NEBL: variants seen among roughly 807,000 people sequenced by gnomAD.
NEBL encodes the protein nebulette.
A neutral mutation model predicts 140.2 loss-of-function variants in NEBL; 122 were observed. The observed-to-expected ratio is 0.87, with a 90% confidence interval of 0.75 to 1.01. The LOEUF is 1.01. Among genes scored for constraint, NEBL ranks in the 50% least tolerant of loss-of-function variants. The pLI is 0.00. For synonymous variants in NEBL, 436 were observed against 398.9 expected (o/e 1.09, Z -1.11); for missense variants, 1,365 against 1,231.3 (o/e 1.11, Z -1.62).
chr10:21,262,499 A>G (rs1394892865), intron 1 of NEBL, among the ~76,000 whole-genome samples: 1 of 152,218 alleles, frequency 6.6e-6, no homozygotes, highest in Non-Finnish European at 1.5e-5. Flanking sequence ...CTGGAAACCC[A>G]GGGAGAAACG....
At chr10:21,137,248 T>A (rs893466430) in intron 2 of NEBL, among the ~76,000 whole-genome samples, 4 of 152,214 alleles carry the variant, frequency 2.6e-5, no homozygotes. Context: ...AGAAATATAT[T>A]TTTTCAAAGT....
At chr10:21,253,406 T>C (rs184910040) in intron 1 of NEBL, among the ~76,000 whole-genome samples, 158 of 152,282 alleles carry the variant, frequency 1.0e-3, no homozygotes, top group African/African-American at 3.6e-3. Context: ...TGGACGCTCC[T>C]GACCAAATTT....
At chr10:21,277,790 C>T (rs189501482) in intron 1 of NEBL, among the ~76,000 whole-genome samples, 74 of 152,124 alleles carry the variant, frequency 4.9e-4, no homozygotes, top group African/African-American at 1.6e-3. Flanking sequence ...ACACCTTGTC[C>T]ATTGGTTTTA....
upstream of NEBL, among the ~76,000 whole-genome samples, chr10:20,902,298 C>T (rs1847907344): frequency 6.6e-6 from 1 of 151,822 alleles, no homozygotes; most frequent in African/African-American, 2.4e-5. Flanking sequence ...CCCAGCTACT[C>T]GGGAGGCTGA....
At position 20,954,222 on chromosome 10, in the gene NEBL, T is replaced by G. The variant is rs988724427; in HGVS notation, c.357+7450A>C. ...TGGATATGTAGACCTTGAAAGAGAT[T>G]AGAACTCCTAGTAATAATCTTCACT... On this transcript the variant is annotated intron_variant, in intron 4 of 6. Transcript: ENST00000417816. 2.6e-5 allele frequency among the ~76,000 whole-genome samples: 4 copies of G among 152,208 alleles called. No individual in the cohort carries two copies. The East Asian group carries it at 7.7e-4, about 29-fold the overall frequency.
At chr10:21,057,733 A>T (rs1835093845) in intron 2 of NEBL, among the ~76,000 whole-genome samples, 1 of 150,854 alleles carries the variant, frequency 6.6e-6, no homozygotes, top group African/African-American at 2.4e-5. Flanking sequence ...TATTTTTTGT[A>T]TATTTTTTAT....
chr10:20,917,983 C>T (rs1053830371), intron 4 of NEBL, among the ~76,000 whole-genome samples: 1 of 152,148 alleles, frequency 6.6e-6, no homozygotes. Context: ...AATAAAATAA[C>T]AGGATCCAAA....
intron 2 of NEBL, among the ~76,000 whole-genome samples, chr10:21,120,992 A>G (rs1318718873): frequency 6.6e-6 from 1 of 152,178 alleles, no homozygotes; most frequent in Non-Finnish European, 1.5e-5. Context: ...TTCAGGCTTT[A>G]TACAATAACT....
chr10:20,858,434 G>C (rs1227872022), intron 8 of NEBL, 90 bp from the exon 9 acceptor site: 19 of 1,110,436 alleles, frequency 1.7e-5, no homozygotes, highest in East Asian at 2.5e-5. Flanking sequence ...CATAAAGTAG[G>C]ACTATTTAGT....
At position 20,868,435 on chromosome 10, in the gene NEBL, G is replaced by T. The variant is rs72791975; in HGVS notation, c.684+229C>A. 1.2e-3 allele frequency: 630 copies of T among 510,486 alleles called. 1 individual carries two copies. The highest frequency in any genetic ancestry group is 1.8e-3 in the Non-Finnish European group (501 of 284,058). 31.6% of individuals were successfully genotyped at this position (510,486 alleles called of 1,614,324 possible). On this transcript the variant is annotated intron_variant, in intron 7 of 27. Coordinates refer to ENST00000377122, the MANE Select transcript of NEBL (RefSeq NM_006393.3). ...GGCTAGAGACATTGAAAAATGTTCA[G>T]ATTTATGCCTGGAGAAAAGAAAACT...
chr10:21,273,833 A>C (rs905441896), intron 1 of NEBL, among the ~76,000 whole-genome samples: 4 of 152,038 alleles, frequency 2.6e-5, no homozygotes, highest in African/African-American at 9.7e-5. Flanking sequence ...TTTACCCTTG[A>C]CCTTTCCTTA....
At chr10:21,031,381 C>T (rs1393814321) in intron 2 of NEBL, among the ~76,000 whole-genome samples, 1 of 152,178 alleles carries the variant, frequency 6.6e-6, no homozygotes. Context: ...ACAACAGGAA[C>T]AAACACAGCC....
At chr10:20,809,697 C>A (rs1463311356) in intron 25 of NEBL, 109 bp downstream of exon 25, 8 of 939,082 alleles carry the variant, frequency 8.5e-6, no homozygotes, top group Admixed American at 2.2e-5. Flanking sequence ...TTGCCAAATT[C>A]TCAGCTTTAA....
chr10:20,814,876 C>T (rs1216456882), intron 22 of NEBL, among the ~76,000 whole-genome samples: 1 of 152,224 alleles, frequency 6.6e-6, no homozygotes, highest in Non-Finnish European at 1.5e-5. Context: ...TAAATACACA[C>T]AGCATCTCTG....
At chr10:20,798,830 G>T (rs904842008) in intron 26 of NEBL, among the ~76,000 whole-genome samples, 1 of 152,110 alleles carries the variant, frequency 6.6e-6, no homozygotes, top group African/African-American at 2.4e-5. Context: ...TTGGCACATC[G>T]ATGAAAGACA....
rs142268237 is a variant in NEBL at position 20,877,140 on chromosome 10, C to T, written c.480+3654G>A. Among the ~76,000 whole-genome samples the T allele has an allele frequency of 5.5e-3, 842 of 152,226 alleles. 33 individuals are homozygous for T. The highest frequency in any genetic ancestry group is 0.05 in the Admixed American group (771 of 15,284). The stretch of plus-strand genomic sequence containing the variant: ...TCACCCTTTAAAAGTAGAAGGAGGA[C>T]GAAATAGAACCAGTAATGTATGCCA... On this transcript the variant is annotated intron_variant, in intron 5 of 27. Transcript: ENST00000377122.
chr10:21,288,828 A>G (rs1349202783), intron 1 of NEBL, among the ~76,000 whole-genome samples: 5,765 of 80,688 alleles, frequency 0.071, 531 homozygotes, highest in Admixed American at 0.12. Context: ...GTGTATATAT[A>G]TATATATATA....
In NEBL at chr10:21,026,568, C is replaced by G. The variant is rs569094637; in HGVS notation, c.165-6367G>C. On this transcript the variant is annotated intron_variant, in intron 2 of 6. Transcript: ENST00000417816. ...TCGATTATATCCATCTCCATCTTCT[C>G]CCTCCTGAGCACTTAAGTCCACCTT... Among the ~76,000 whole-genome samples, 5 of 152,306 alleles carry G rather than the reference C, an allele frequency of 3.3e-5. No homozygotes were observed. In the South Asian group the frequency reaches 1.0e-3, roughly 32 times the overall value.
chr10:20,904,616 T>C (rs1454742637), intron 4 of NEBL, among the ~76,000 whole-genome samples: 1 of 152,226 alleles, frequency 6.6e-6, no homozygotes, highest in African/African-American at 2.4e-5. Flanking sequence ...TGGGGTCTCA[T>C]TTGACTACTG....
Sources: gnomAD v4.1 joint callset for allele counts (sites outside exome capture counted in the v4.1 genomes callset) on GRCh38, gnomAD v4.1.1 for gene constraint, MANE v1.5 for transcripts, NCBI Gene and HGNC (gene_info 2026-07-23, HGNC 2026-07-21) for gene names.